TAX1BP3: variants seen among roughly 807,000 people sequenced by gnomAD.
The protein encoded by TAX1BP3 is Tax1 binding protein 3.
Under a neutral mutation model 15.3 loss-of-function variants are expected in TAX1BP3, and 13 were observed. The observed-to-expected ratio is 0.85, with a 90% CI of 0.55 to 1.35. The LOEUF (loss-of-function observed/expected upper bound fraction) is 1.35, where lower values mean the gene tolerates loss of function less well. Among genes scored for constraint, TAX1BP3 ranks in the 40% most tolerant of loss-of-function variants. The pLI is 0.00. For missense variants in TAX1BP3, 147 were observed against 169.6 expected, an observed-to-expected ratio of 0.87 and a Z score of 0.74; for synonymous variants, 70 against 66.0, an observed-to-expected ratio of 1.06 and a Z score of -0.30.
rs1055054236 is a variant in TAX1BP3 at position 3,664,507 on chromosome 17, C to T, written c.159+172G>A. 3 of 1,045,888 alleles carry T rather than the reference C, an allele frequency of 2.9e-6. No homozygotes were observed. In the African/African-American group the frequency reaches 4.7e-5, roughly 16 times the overall value. 64.8% of individuals were successfully genotyped at this position (1,045,888 alleles called of 1,614,324 possible). Reference sequence around the variant, plus strand: ...TCCTCCTGGGCTCTGTCTGAGCAGCCCTTCCTCACCCCACCCGTCCTTATT... The same window carrying T: ...TCCTCCTGGGCTCTGTCTGAGCAGCTCTTCCTCACCCCACCCGTCCTTATT... On this transcript the variant is annotated intron_variant, in intron 2 of 3. Coordinates refer to ENST00000225525, the MANE Select transcript of TAX1BP3 (RefSeq NM_014604.4).
At chr17:3,667,209 G>T (rs193097867) in intron 1 of TAX1BP3, among the ~76,000 whole-genome samples, 1 of 152,068 alleles carries the variant, frequency 6.6e-6, no homozygotes, top group Non-Finnish European at 1.5e-5. Context: ...TGGGCATGCT[G>T]GTGCATGCCT....
rs1438435019 is a variant in TAX1BP3, at chr17:3,668,322, TGGGG to T, written c.39+162_39+165del. Among the ~76,000 whole-genome samples the T allele has an allele frequency of 1.2e-4, 19 of 152,168 alleles. No homozygotes were observed. The highest frequency in any genetic ancestry group is 4.6e-4 in the African/African-American group (19 of 41,440). On this transcript the variant is annotated intron_variant, in intron 1 of 3. Transcript: ENST00000225525. The surrounding 1 kb of genome is among the most constrained non-coding windows in gnomAD (Gnocchi z 4.1). ...GTCCCGGCCATCCCTGTTTCGTGGCTGGGGGAACTGCGGCCCGCTCCGGCAAAGC... is the reference window on the plus strand; with the variant it reads ...GTCCCGGCCATCCCTGTTTCGTGGCTGAACTGCGGCCCGCTCCGGCAAAGC...
rs1207329209 is a variant in TAX1BP3 at position 3,668,328 on chromosome 17, A to G, written c.39+160T>C. On this transcript the variant is annotated intron_variant, in intron 1 of 3. Transcript: ENST00000225525. The surrounding 1 kb of genome is among the most constrained non-coding windows in gnomAD (Gnocchi z 4.1). ...GCCATCCCTGTTTCGTGGCTGGGGG[A>G]ACTGCGGCCCGCTCCGGCAAAGCGG... Among the ~76,000 whole-genome samples, 1 of 151,830 alleles carries G rather than the reference A, an allele frequency of 6.6e-6. No homozygotes were observed. The highest frequency in any genetic ancestry group is 2.4e-5 in the African/African-American group (1 of 41,302).
At chr17:3,665,119 C>A in intron 1 of TAX1BP3, 1 of 739,638 alleles carries the variant, frequency 1.4e-6, no homozygotes, top group South Asian at 1.5e-5. Context: ...AAGCCCGTCT[C>A]ACAGGAGGTG....
In TAX1BP3 at chr17:3,663,555, GAGAA is replaced by G. The variant is rs1275475569; in HGVS notation, c.*189_*192del. Reference sequence around the variant, plus strand: ...TATTTCCAATCCTCGGTGTCCAGGAGAGAAAGCCGGTCCCAGAGGCCCCAGGCCA... The same window carrying G: ...TATTTCCAATCCTCGGTGTCCAGGAGAGCCGGTCCCAGAGGCCCCAGGCCA... On this transcript the variant is annotated 3_prime_UTR_variant, in exon 4 of 4. Transcript: ENST00000225525. 44 of 757,820 alleles carry G rather than the reference GAGAA, an allele frequency of 5.8e-5. No individual in the cohort carries two copies. The highest frequency in any genetic ancestry group is 8.0e-5 in the Non-Finnish European group (41 of 510,152). 46.9% of individuals were successfully genotyped at this position (757,820 alleles called of 1,614,324 possible).
intron 1 of TAX1BP3, among the ~76,000 whole-genome samples, chr17:3,665,007 G>A (rs1321435342): frequency 6.6e-6 from 1 of 152,132 alleles, no homozygotes; most frequent in Non-Finnish European, 1.5e-5. Flanking sequence ...TCCTCAACCT[G>A]TCCCCACTTC....
chr17:3,667,555 C>T (rs946637242), intron 1 of TAX1BP3, among the ~76,000 whole-genome samples: 6 of 152,212 alleles, frequency 3.9e-5, no homozygotes, highest in African/African-American at 1.2e-4. Context: ...ACACCCAGTC[C>T]CTATGGCTCC....
rs569974281 is a variant in TAX1BP3, at chr17:3,668,291, T to A, written c.39+197A>T. On this transcript the variant is annotated intron_variant, in intron 1 of 3. Coordinates refer to ENST00000225525, the MANE Select transcript of TAX1BP3 (RefSeq NM_014604.4). The surrounding 1 kb of genome is among the most constrained non-coding windows in gnomAD (Gnocchi z 4.1). ...GGCTCTGTCCAGGGTCTCGGGAGGC[T>A]CTCGGGTCCCGGCCATCCCTGTTTC... 6.6e-6 allele frequency among the ~76,000 whole-genome samples: 1 copy of A among 152,222 alleles called. No homozygotes were observed. The highest frequency in any genetic ancestry group is 2.4e-5 in the African/African-American group (1 of 41,546).
Position 3,668,443 on chromosome 17 carries a change from T to TG in TAX1BP3, c.39+44dup. 6.3e-7 allele frequency: 1 copy of TG among 1,596,622 alleles called. No homozygotes were observed. The highest frequency in any genetic ancestry group is 8.5e-7 in the Non-Finnish European group (1 of 1,172,286). On this transcript the variant is annotated intron_variant, in intron 1 of 3. Transcript: ENST00000225525. This position sits in a 1 kb window ranked among gnomAD's most constrained non-coding sequence, Gnocchi z 4.1. ...GGTGTCCGTTTCCCGCTCTGCGAGG[T>TG]GGGGTCAGGCCAAGACGAGGAGGAG... is the stretch of plus-strand genomic sequence containing the variant.
At chr17:3,664,437 T>G in intron 2 of TAX1BP3, 165 bp from the exon 3 acceptor site, 1 of 975,094 alleles carries the variant, frequency 1.0e-6, no homozygotes, top group South Asian at 1.5e-5. Flanking sequence ...CGGGGCAGAG[T>G]TGCTGCACCA....
intron 1 of TAX1BP3, among the ~76,000 whole-genome samples, chr17:3,667,187 A>G (rs2076349420): frequency 6.6e-6 from 1 of 152,082 alleles, no homozygotes; most frequent in Non-Finnish European, 1.5e-5. Flanking sequence ...TACTAAAAAT[A>G]CAAAAATTAG....
rs760050421 is a variant in TAX1BP3, at chr17:3,664,274, T to C, written c.160-2A>G. On this transcript the variant is annotated splice_acceptor_variant, in intron 2 of 3. Coordinates refer to ENST00000225525, the MANE Select transcript of TAX1BP3 (RefSeq NM_014604.4). LOFTEE classifies it high-confidence loss of function. Reference sequence around the variant, plus strand: ...AGACACCCGTGTGACATAAATACCCTGGAAAGGGGCAGCCCAAGTCAAGCC... The same window carrying C: ...AGACACCCGTGTGACATAAATACCCCGGAAAGGGGCAGCCCAAGTCAAGCC... 1 of 1,613,942 alleles carries C rather than the reference T, an allele frequency of 6.2e-7. No homozygotes were observed. The highest frequency in any genetic ancestry group is 8.5e-7 in the Non-Finnish European group (1 of 1,180,026).
At chr17:3,664,369 GTCCCTGCACCCAGCC>G in intron 2 of TAX1BP3, 97 bp from the exon 3 acceptor site, 1 of 1,407,396 alleles carries the variant, frequency 7.1e-7, no homozygotes. Flanking sequence ...CCGTCCCTCT[GTCCCTGCACCCAGCC>G]TCTCCCAGCA....
chr17:3,665,669 G>T, intron 1 of TAX1BP3: 1 of 991,926 alleles, frequency 1.0e-6, no homozygotes, highest in South Asian at 1.3e-5. Flanking sequence ...CGCCTGAGCT[G>T]CTGGAACCTA....
chr17:3,664,550 G>C (rs745597264), intron 2 of TAX1BP3, 129 bp downstream of exon 2: 2 of 1,339,464 alleles, frequency 1.5e-6, no homozygotes, highest in Non-Finnish European at 2.1e-6. Context: ...GGTCACTTCC[G>C]ATGCCTTCTT....
rs1383571053 is a variant in TAX1BP3, at chr17:3,665,740, TCCAAAAAAAAAA to T, written c.40-954_40-943del. The T allele has an allele frequency of 6.4e-4, 74 of 115,970 alleles. 2 individuals carry two copies. Among genetic ancestry groups the T allele is most frequent in the East Asian group, 3.7e-3 (27 of 7,204 alleles). The allele number at this position is 115,970 out of a possible 1,614,324, so 7.2% of individuals were successfully genotyped here. A position where few individuals can be genotyped will look rare whatever the true frequency, so the allele number is the denominator to read the frequency against. ...AAAAAAAAATAAAGGATCTCTGGGCTCCAAAAAAAAAAAAAAAAAAAAAAAGAAAGGAGAGGA... is the reference window on the plus strand; with the variant it reads ...AAAAAAAAATAAAGGATCTCTGGGCTAAAAAAAAAAAAAGAAAGGAGAGGA... On this transcript the variant is annotated intron_variant, in intron 1 of 3. Transcript: ENST00000225525.
chr17:3,664,458 G>T, intron 2 of TAX1BP3, 186 bp from the exon 3 acceptor site: 1 of 929,132 alleles, frequency 1.1e-6, no homozygotes, highest in Non-Finnish European at 1.7e-6. Flanking sequence ...CCATGCACCG[G>T]CCCTGCTGAT....
At position 3,664,674 on chromosome 17, in the gene TAX1BP3, C is replaced by T. The variant is rs772749973; in HGVS notation, c.159+5G>A. 4 of 1,613,732 alleles carry T rather than the reference C, an allele frequency of 2.5e-6. No homozygotes were observed. The highest frequency in any genetic ancestry group is 3.4e-6 in the Non-Finnish European group (4 of 1,179,944). ...GAGCGGTCCCAGGACCCCAGACCCC[C>T]TCACCTTGTCCGTCTTGTCTTCAGA... On this transcript the variant is annotated splice_donor_5th_base_variant and intron_variant, in intron 2 of 3. Coordinates refer to ENST00000225525, the MANE Select transcript of TAX1BP3 (RefSeq NM_014604.4).
intron 1 of TAX1BP3, among the ~76,000 whole-genome samples, chr17:3,666,096 A>T (rs747217803): frequency 3.3e-5 from 5 of 152,246 alleles, no homozygotes; most frequent in Non-Finnish European, 5.9e-5. Flanking sequence ...AGATGCTGGG[A>T]GCCAGACCAG....
Sources: allele counts gnomAD v4.1 joint callset (sites outside exome capture counted in the v4.1 genomes callset), GRCh38; gene constraint gnomAD v4.1.1; non-coding constraint Gnocchi (gnomAD v3.1); transcripts MANE v1.5; gene names NCBI Gene and HGNC (gene_info 2026-07-23, HGNC 2026-07-21).